Variants in CACNA2D3 observed in about 807,000 individuals in gnomAD.
CACNA2D3 encodes the protein calcium voltage-gated channel auxiliary subunit alpha2delta 3, also known as voltage-dependent calcium channel subunit alpha-2/delta-3.
CACNA2D3 carries 60 observed loss-of-function variants against 160.6 expected under a neutral mutation model. The ratio of observed to expected loss-of-function variants is 0.37; its 90% CI spans 0.30 to 0.46. The LOEUF (loss-of-function observed/expected upper bound fraction) is 0.46, where lower values mean the gene tolerates loss of function less well. Among genes scored for constraint, CACNA2D3 ranks in the 20% least tolerant of loss-of-function variants. The pLI, the probability that CACNA2D3 is intolerant of heterozygous loss-of-function variation, is 1.00. For missense variants in CACNA2D3, 1,205 were observed against 1,365.0 expected (o/e 0.88, Z 1.85); for synonymous variants, 558 against 492.9 (o/e 1.13, Z -1.75).
intron 3 of CACNA2D3, among the ~76,000 whole-genome samples, chr3:54,341,175 T>G (rs1575404802): frequency 6.6e-6 from 1 of 152,356 alleles, no homozygotes; most frequent in East Asian, 1.9e-4. Context: ...TCTCCTATGT[T>G]GCTTAAGCAC....
At chr3:54,373,149 T>C (rs572095923) in intron 3 of CACNA2D3, among the ~76,000 whole-genome samples, 62 of 152,310 alleles carry the variant, frequency 4.1e-4, no homozygotes, top group Non-Finnish European at 6.0e-4. Flanking sequence ...GAAGGCTTTT[T>C]CTGAGGACCC....
At chr3:54,702,345 A>G (rs1700783046) in intron 11 of CACNA2D3, among the ~76,000 whole-genome samples, 1 of 152,118 alleles carries the variant, frequency 6.6e-6, no homozygotes, top group South Asian at 2.1e-4. Context: ...ATATTTGCAA[A>G]CTGTGCATCT....
At chr3:54,854,622 C>G (rs1306991816) in intron 17 of CACNA2D3, among the ~76,000 whole-genome samples, 1 of 152,134 alleles carries the variant, frequency 6.6e-6, no homozygotes, top group Non-Finnish European at 1.5e-5. Flanking sequence ...GCCCTCACCA[C>G]GGGTCTCGGG....
chr3:54,219,622 A>G (rs892395069), intron 2 of CACNA2D3, among the ~76,000 whole-genome samples: 3 of 151,932 alleles, frequency 2.0e-5, no homozygotes, highest in Non-Finnish European at 4.4e-5. Context: ...CTTCTCATAC[A>G]AGGGACGCGT....
chr3:54,649,786 C>T (rs1347438052), intron 11 of CACNA2D3, among the ~76,000 whole-genome samples: 1 of 152,190 alleles, frequency 6.6e-6, no homozygotes, highest in East Asian at 1.9e-4. Flanking sequence ...GCTAGGATTT[C>T]AACATAAGAA....
chr3:54,548,561 T>G (rs1399124878), intron 5 of CACNA2D3, among the ~76,000 whole-genome samples: 1 of 152,188 alleles, frequency 6.6e-6, no homozygotes, highest in Non-Finnish European at 1.5e-5. Context: ...TTACCAGACC[T>G]GGCCATTCTG....
intron 27 of CACNA2D3, among the ~76,000 whole-genome samples, chr3:54,917,146 A>G (rs1700681712): frequency 6.6e-6 from 1 of 152,244 alleles, no homozygotes; most frequent in South Asian, 2.1e-4. Flanking sequence ...AGCATGAGAA[A>G]ATGCAAAATT....
intron 3 of CACNA2D3, among the ~76,000 whole-genome samples, chr3:54,352,978 C>T (rs563453002): frequency 1.3e-5 from 2 of 152,180 alleles, no homozygotes; most frequent in South Asian, 2.1e-4. Flanking sequence ...GGTATCCATC[C>T]CTGCAAGCAT....
intron 2 of CACNA2D3, among the ~76,000 whole-genome samples, chr3:54,199,323 C>G (rs1404269387): frequency 1.3e-5 from 2 of 152,034 alleles, no homozygotes; most frequent in Admixed American, 1.3e-4. Flanking sequence ...TTTCGGTCTA[C>G]CTCTCTAAAA....
At chr3:54,581,524 C>T (rs933131808) in intron 8 of CACNA2D3, among the ~76,000 whole-genome samples, 3 of 152,144 alleles carry the variant, frequency 2.0e-5, no homozygotes, top group Non-Finnish European at 2.9e-5. Context: ...TGGAGGCAAC[C>T]CCAAAGAATG....
At chr3:54,147,103 A>C (rs1700046045) in intron 2 of CACNA2D3, among the ~76,000 whole-genome samples, 1 of 152,280 alleles carries the variant, frequency 6.6e-6, no homozygotes, top group African/African-American at 2.4e-5. Context: ...CTACCAAAAA[A>C]GATGAAAAAT....
At position 54,809,617 on chromosome 3, in the gene CACNA2D3, C is replaced by CCTT. The variant is rs1703245248; in HGVS notation, c.1381-7235_1381-7234insTTC. ...ACAGGCGTGAGCCACCGCGCCCGGC[C>CCTT]CCTTCCTTCTTTCTTTCTTTCTTTC... On this transcript the variant is annotated intron_variant, in intron 13 of 37. Coordinates refer to ENST00000474759, the MANE Select transcript of CACNA2D3 (RefSeq NM_018398.3). Among the ~76,000 whole-genome samples, 17 of 139,978 alleles carry CCTT rather than the reference C, an allele frequency of 1.2e-4. 2 individuals carry two copies. Among genetic ancestry groups the CCTT allele is most frequent in the Admixed American group, 1.2e-3 (17 of 14,560 alleles). 91.8% of individuals were successfully genotyped at this position (139,978 alleles called of 152,430 possible).
chr3:54,299,952 A>G (rs1703436676), intron 2 of CACNA2D3, among the ~76,000 whole-genome samples: 1 of 151,888 alleles, frequency 6.6e-6, no homozygotes, highest in African/African-American at 2.4e-5. Flanking sequence ...GATGGTGTAG[A>G]CCCCCTAACA....
chr3:54,643,595 A>G (rs1699570550), intron 11 of CACNA2D3, among the ~76,000 whole-genome samples: 4 of 152,228 alleles, frequency 2.6e-5, no homozygotes, highest in South Asian at 2.1e-4. Flanking sequence ...CTTGAAGTAG[A>G]TGGAGGTTCA....
At chr3:54,869,373 G>A (rs1699474411) in intron 17 of CACNA2D3, among the ~76,000 whole-genome samples, 1 of 152,224 alleles carries the variant, frequency 6.6e-6, no homozygotes, top group South Asian at 2.1e-4. Context: ...GCAGAATTAA[G>A]AAGGATAAAC....
chr3:54,423,354 T>C (rs567911881), intron 4 of CACNA2D3, among the ~76,000 whole-genome samples: 1 of 152,340 alleles, frequency 6.6e-6, no homozygotes, highest in African/African-American at 2.4e-5. Context: ...AACTTGTTTA[T>C]AATAGCTTGC....
intron 9 of CACNA2D3, 77 bp from the exon 10 acceptor site, chr3:54,627,710 G>A (rs189741768): frequency 6.6e-5 from 57 of 857,384 alleles, no homozygotes; most frequent in African/African-American, 4.5e-4. Flanking sequence ...TTGCCATGGC[G>A]TACATCTAAT....
At chr3:54,687,782 G>A (rs1700497268) in intron 11 of CACNA2D3, among the ~76,000 whole-genome samples, 1 of 152,152 alleles carries the variant, frequency 6.6e-6, no homozygotes, top group Non-Finnish European at 1.5e-5. Context: ...GATTTTCAAA[G>A]GAGGTATTTA....
intron 17 of CACNA2D3, among the ~76,000 whole-genome samples, chr3:54,861,306 A>G (rs1020601476): frequency 1.3e-5 from 2 of 152,122 alleles, no homozygotes; most frequent in African/African-American, 4.8e-5. Flanking sequence ...AAGTTGGAGT[A>G]AAGAGAATTC....
Sources: gnomAD v4.1 joint callset for allele counts (sites outside exome capture counted in the v4.1 genomes callset) on GRCh38, gnomAD v4.1.1 for gene constraint, MANE v1.5 for transcripts, NCBI Gene and HGNC (gene_info 2026-07-23, HGNC 2026-07-21) for gene names.